Variants in FAM133B observed in about 807,000 individuals in gnomAD.
FAM133B encodes the protein family with sequence similarity 133 member B, also known as protein FAM133B.
In FAM133B, 25 loss-of-function variants were observed where a neutral mutation model predicts 46.4. The ratio of observed to expected loss-of-function variants is 0.54; its 90% CI spans 0.39 to 0.75. The LOEUF is 0.75. Ranked by LOEUF, FAM133B falls within the 30% of genes least tolerant of loss-of-function variation. The pLI is 0.00. For synonymous variants in FAM133B, 75 were observed against 86.0 expected (o/e 0.87, Z 0.71); for missense variants, 205 against 277.6 (o/e 0.74, Z 1.86).
chr7:92,573,952 G>C (rs1794614962), intron 8 of FAM133B, among the ~76,000 whole-genome samples: 1 of 151,808 alleles, frequency 6.6e-6, no homozygotes, highest in African/African-American at 2.4e-5. Flanking sequence ...GACCTTGTGG[G>C]CTCAGTCTCC....
At chr7:92,575,920 A>G (rs926931338) in intron 7 of FAM133B, 99 bp from the exon 8 acceptor site, 5 of 495,240 alleles carry the variant, frequency 1.0e-5, no homozygotes, top group African/African-American at 9.8e-5. Flanking sequence ...CTATGACTGA[A>G]AAAAGGCTAC....
chr7:92,580,221 G>A (rs530395830), intron 2 of FAM133B, among the ~76,000 whole-genome samples: 35 of 146,108 alleles, frequency 2.4e-4, no homozygotes, highest in African/African-American at 8.2e-4. Flanking sequence ...CTACAGGCAT[G>A]TACTACCACA....
chr7:92,568,022 C>T (rs1248838667), intron 9 of FAM133B, among the ~76,000 whole-genome samples: 2 of 152,122 alleles, frequency 1.3e-5, no homozygotes, highest in East Asian at 3.9e-4. Context: ...CCTTGGCCTC[C>T]CAAAGTGCTG....
At chr7:92,589,025 A>G (rs1795114913) in intron 1 of FAM133B, among the ~76,000 whole-genome samples, 1 of 152,238 alleles carries the variant, frequency 6.6e-6, no homozygotes, top group Non-Finnish European at 1.5e-5. Context: ...AGAACTGGCT[A>G]CTACAGATGG....
At chr7:92,581,182 C>T (rs908267701) in intron 2 of FAM133B, among the ~76,000 whole-genome samples, 2 of 152,236 alleles carry the variant, frequency 1.3e-5, no homozygotes, top group African/African-American at 4.8e-5. Flanking sequence ...TCTGGTTACA[C>T]ATCAGTAAAG....
intron 9 of FAM133B, among the ~76,000 whole-genome samples, chr7:92,568,135 C>T (rs1168429342): frequency 6.6e-6 from 1 of 151,934 alleles, no homozygotes; most frequent in African/African-American, 2.4e-5. Context: ...GTTGCCCAAG[C>T]TGGTCGTAAC....
In FAM133B at chr7:92,590,352, G is replaced by C. The variant is rs1585322004; in HGVS notation, c.-61C>G. ...AAACCGGGCCGGAGAGACTGCCGAA[G>C]AGGGCCTGCCGCAGGTCCTCTTGCC... On this transcript the variant is annotated 5_prime_UTR_variant, in exon 1 of 11. Transcript: ENST00000445716. 1.5e-5 allele frequency: 24 copies of C among 1,607,778 alleles called. No homozygotes were observed. The highest frequency in any genetic ancestry group is 1.9e-5 in the Non-Finnish European group (22 of 1,177,816).
intron 5 of FAM133B, 118 bp from the exon 6 acceptor site, chr7:92,577,835 T>G: frequency 1.2e-6 from 1 of 807,516 alleles, no homozygotes; most frequent in Non-Finnish European, 2.0e-6. Context: ...GCCATATTCA[T>G]AAGTCATAAA....
At chr7:92,565,057 A>T (rs1794297675) in intron 10 of FAM133B, among the ~76,000 whole-genome samples, 1 of 151,916 alleles carries the variant, frequency 6.6e-6, no homozygotes, top group African/African-American at 2.4e-5. Flanking sequence ...GGAAGTAACT[A>T]TTATCAAAGA....
At chr7:92,583,121 C>T (rs1794936776) in intron 1 of FAM133B, among the ~76,000 whole-genome samples, 1 of 152,174 alleles carries the variant, frequency 6.6e-6, no homozygotes, top group South Asian at 2.1e-4. Flanking sequence ...GTGGTATATA[C>T]ATACAATGGA....
At chr7:92,563,948 A>G (rs536929579) in intron 10 of FAM133B, among the ~76,000 whole-genome samples, 1 of 152,280 alleles carries the variant, frequency 6.6e-6, no homozygotes, top group African/African-American at 2.4e-5. Context: ...GTGCCCACTT[A>G]TCTCCTGTAC....
intron 8 of FAM133B, 139 bp from the exon 9 acceptor site, chr7:92,570,054 CCAGGA>C: frequency 4.9e-6 from 2 of 404,764 alleles, no homozygotes; most frequent in Non-Finnish European, 8.9e-6. Context: ...GTAACATTTA[CCAGGA>C]TTTAAGTCTT....
chr7:92,577,240 T>C (rs1300122628), intron 6 of FAM133B, 45 bp from the exon 7 acceptor site: 4 of 1,283,498 alleles, frequency 3.1e-6, no homozygotes. Flanking sequence ...GTCTCAAAAA[T>C]CTAATTTACA....
chr7:92,563,114 T>C (rs1794209624), intron 10 of FAM133B, among the ~76,000 whole-genome samples: 1 of 152,126 alleles, frequency 6.6e-6, no homozygotes, highest in Non-Finnish European at 1.5e-5. Context: ...AATGAGAGAC[T>C]GCTGCTAGTG....
At chr7:92,586,442 G>A (rs1056284822) in intron 1 of FAM133B, among the ~76,000 whole-genome samples, 1 of 152,184 alleles carries the variant, frequency 6.6e-6, no homozygotes, top group Non-Finnish European at 1.5e-5. Context: ...TTGTATCAGT[G>A]TGAAAAATAA....
intron 9 of FAM133B, chr7:92,569,542 G>C: frequency 5.2e-6 from 1 of 193,766 alleles, no homozygotes; most frequent in Non-Finnish European, 1.0e-5. Context: ...CTTCTTTCAT[G>C]TAACAAGAAT....
At chr7:92,562,528 T>C (rs1794191265) in intron 10 of FAM133B, among the ~76,000 whole-genome samples, 160 bp from the exon 11 acceptor site, 1 of 152,186 alleles carries the variant, frequency 6.6e-6, no homozygotes, top group Non-Finnish European at 1.5e-5. Context: ...CAGTATCATA[T>C]GAGGACTAAA....
At chr7:92,588,230 A>G (rs1795091004) in intron 1 of FAM133B, among the ~76,000 whole-genome samples, 1 of 152,242 alleles carries the variant, frequency 6.6e-6, no homozygotes, top group Non-Finnish European at 1.5e-5. Flanking sequence ...CAGAGCTATC[A>G]AAATGTTCTA....
intron 2 of FAM133B, among the ~76,000 whole-genome samples, 194 bp downstream of exon 2, chr7:92,581,312 G>T (rs1454081763): frequency 6.6e-6 from 1 of 152,244 alleles, no homozygotes. Context: ...ATACTGGGTA[G>T]TGGGTTCTTA....
Sources: gnomAD v4.1 joint callset for allele counts (sites outside exome capture counted in the v4.1 genomes callset) on GRCh38, gnomAD v4.1.1 for gene constraint, MANE v1.5 for transcripts, NCBI Gene and HGNC (gene_info 2026-07-23, HGNC 2026-07-21) for gene names.